RNF130: variants seen among roughly 807,000 people sequenced by gnomAD.
RNF130 encodes E3 ubiquitin-protein ligase RNF130.
RNF130 carries 21 observed loss-of-function variants against 44.6 expected under a neutral mutation model. The observed-to-expected ratio is 0.47, with a 90% CI of 0.33 to 0.68. RNF130 has a LOEUF of 0.68. Among genes scored for constraint, RNF130 ranks in the 30% least tolerant of loss-of-function variants. The pLI is 0.02. For synonymous variants in RNF130, 214 were observed against 210.4 expected (o/e 1.02, Z -0.15); for missense variants, 479 against 560.6 (o/e 0.85, Z 1.47).
At position 180,039,937 on chromosome 5, in the gene RNF130, C is replaced by T. The variant is rs548873088; in HGVS notation, c.442+516G>A. Among the ~76,000 whole-genome samples the T allele has an allele frequency of 1.8e-4, 27 of 152,278 alleles. 1 individual carries two copies. The South Asian group carries it at 2.9e-3, about 16-fold the overall frequency. On this transcript the variant is annotated intron_variant, in intron 2 of 8. Coordinates refer to ENST00000521389, the MANE Select transcript of RNF130 (RefSeq NM_018434.6). ...ATATATTTAAAAACTCATCGCACAG[C>T]GCCTGGCATTTATATAGTAAGTGCT... is the stretch of plus-strand genomic sequence containing the variant.
intron 7 of RNF130, among the ~76,000 whole-genome samples, chr5:179,926,205 C>T (rs908099228): frequency 3.9e-5 from 6 of 152,216 alleles, no homozygotes; most frequent in Non-Finnish European, 7.3e-5. Context: ...TCCAGTCATA[C>T]AGGCAAGAGG....
At chr5:179,996,193 G>A (rs956798600) in intron 3 of RNF130, among the ~76,000 whole-genome samples, 2 of 152,020 alleles carry the variant, frequency 1.3e-5, no homozygotes, top group Admixed American at 1.3e-4. Context: ...TTATTCCTAT[G>A]TATTTTATTC....
intron 7 of RNF130, among the ~76,000 whole-genome samples, chr5:179,966,066 C>T (rs906745965): frequency 2.0e-5 from 3 of 152,124 alleles, no homozygotes; most frequent in African/African-American, 2.4e-5. Flanking sequence ...AGAATGGAAG[C>T]GAAGAGAAGA....
At chr5:179,972,577 T>A (rs1332150879) in intron 5 of RNF130, among the ~76,000 whole-genome samples, 1 of 145,034 alleles carries the variant, frequency 6.9e-6, no homozygotes, top group Non-Finnish European at 1.5e-5. Context: ...GGTGCAGGAG[T>A]GAGAGGTATC....
chr5:180,053,214 A>G (rs1480754885), intron 1 of RNF130, among the ~76,000 whole-genome samples: 1 of 152,040 alleles, frequency 6.6e-6, no homozygotes, highest in Non-Finnish European at 1.5e-5. Flanking sequence ...AACCACCTAG[A>G]GCTGCAGAAG....
chr5:180,001,688 G>A (rs2113059926), intron 3 of RNF130, among the ~76,000 whole-genome samples: 1 of 152,284 alleles, frequency 6.6e-6, no homozygotes, highest in South Asian at 2.1e-4. Context: ...GCAGGGCTCA[G>A]CAGTATCTTA....
At chr5:179,943,686 G>C (rs1221887287) in intron 7 of RNF130, among the ~76,000 whole-genome samples, 3 of 152,120 alleles carry the variant, frequency 2.0e-5, no homozygotes, top group Non-Finnish European at 4.4e-5. Context: ...GCTAAAACTA[G>C]AATCCAGGTA....
chr5:180,005,619 A>T (rs1370544534), intron 3 of RNF130, among the ~76,000 whole-genome samples: 2 of 152,142 alleles, frequency 1.3e-5, no homozygotes. Context: ...CTCTGTGGAA[A>T]ATGATCCATT....
At chr5:179,973,999 G>A (rs1486595929) in intron 5 of RNF130, among the ~76,000 whole-genome samples, 1 of 152,178 alleles carries the variant, frequency 6.6e-6, no homozygotes, top group Non-Finnish European at 1.5e-5. Context: ...TCCCACACAT[G>A]CCATGAACTA....
At chr5:180,057,056 C>T (rs1267529868) in intron 1 of RNF130, among the ~76,000 whole-genome samples, 2 of 152,156 alleles carry the variant, frequency 1.3e-5, no homozygotes, top group Non-Finnish European at 2.9e-5. Flanking sequence ...TTTTCTTATT[C>T]AAAATAAGCC....
At chr5:179,933,257 T>C (rs1339928736) in intron 7 of RNF130, among the ~76,000 whole-genome samples, 2 of 150,620 alleles carry the variant, frequency 1.3e-5, no homozygotes, top group African/African-American at 5.0e-5. Flanking sequence ...GGAAATATTT[T>C]AAACTATGGA....
chr5:180,031,497 A>C (rs1388658390), intron 2 of RNF130, among the ~76,000 whole-genome samples: 2 of 152,128 alleles, frequency 1.3e-5, no homozygotes, highest in African/African-American at 4.8e-5. Flanking sequence ...CAAAAAAAAA[A>C]GTTAAATTTG....
chr5:179,928,248 A>G (rs1470919475), intron 7 of RNF130, among the ~76,000 whole-genome samples: 1 of 152,128 alleles, frequency 6.6e-6, no homozygotes, highest in African/African-American at 2.4e-5. Context: ...GCATATTTTC[A>G]GCGTCAGCAG....
chr5:180,056,704 TG>T (rs1219314231), intron 1 of RNF130, among the ~76,000 whole-genome samples: 1 of 152,156 alleles, frequency 6.6e-6, no homozygotes, highest in Non-Finnish European at 1.5e-5. Flanking sequence ...CAATAAAATG[TG>T]TATATATGTG....
chr5:180,011,465 T>C (rs1475412264), intron 3 of RNF130, among the ~76,000 whole-genome samples: 1 of 152,208 alleles, frequency 6.6e-6, no homozygotes, highest in African/African-American at 2.4e-5. Context: ...CAAATAGTTT[T>C]GTTAAGGTAT....
intron 7 of RNF130, among the ~76,000 whole-genome samples, chr5:179,938,639 C>A (rs1177779934): frequency 6.6e-6 from 1 of 152,116 alleles, no homozygotes; most frequent in African/African-American, 2.4e-5. Flanking sequence ...AAAACCTAAG[C>A]TTAACATTAT....
intron 3 of RNF130, among the ~76,000 whole-genome samples, chr5:179,990,807 T>C (rs931658596): frequency 6.6e-6 from 1 of 152,216 alleles, no homozygotes; most frequent in East Asian, 1.9e-4. Flanking sequence ...CTACTATCTC[T>C]GTATGGCCTG....
intron 5 of RNF130, 72 bp from the exon 6 acceptor site, chr5:179,970,578 G>A: frequency 2.6e-6 from 3 of 1,162,212 alleles, no homozygotes; most frequent in South Asian, 1.4e-5. Flanking sequence ...GGAAAGAAAG[G>A]GAATTTTTAG....
At chr5:180,045,985 C>G (rs71613437) in intron 1 of RNF130, among the ~76,000 whole-genome samples, 1 of 152,136 alleles carries the variant, frequency 6.6e-6, no homozygotes, top group African/African-American at 2.4e-5. Context: ...TGGATGGGAC[C>G]GAGCCCCGTG....
Sources: gnomAD v4.1 joint callset for allele counts (sites outside exome capture counted in the v4.1 genomes callset) on GRCh38, gnomAD v4.1.1 for gene constraint, MANE v1.5 for transcripts, NCBI Gene and HGNC (gene_info 2026-07-23, HGNC 2026-07-21) for gene names.